Variants in SCAPER observed in about 807,000 individuals in gnomAD.
The protein encoded by SCAPER is S-phase cyclin A associated protein in the ER, also known as S phase cyclin A-associated protein in the endoplasmic reticulum.
A neutral mutation model predicts 182.2 loss-of-function variants in SCAPER; 98 were observed. The observed-to-expected ratio is 0.54, with a 90% CI of 0.46 to 0.64. The LOEUF (loss-of-function observed/expected upper bound fraction) is 0.64, where lower values mean the gene tolerates loss of function less well. Ranked by LOEUF, SCAPER falls within the 30% of genes least tolerant of loss-of-function variation. SCAPER has a pLI of 0.00. For missense variants in SCAPER, 1,432 were observed against 1,690.0 expected (o/e 0.85, Z 2.68); for synonymous variants, 605 against 564.6 (o/e 1.07, Z -1.01).
intron 6 of SCAPER, 123 bp from the exon 7 acceptor site, chr15:76,800,487 T>C: frequency 1.5e-6 from 1 of 681,288 alleles, no homozygotes. Flanking sequence ...CAACAAAAAG[T>C]CACAACATGT....
chr15:76,368,969 T>C (rs938458905), intron 29 of SCAPER, among the ~76,000 whole-genome samples: 1 of 152,170 alleles, frequency 6.6e-6, no homozygotes, highest in Admixed American at 6.5e-5. Flanking sequence ...GAAAATGCCA[T>C]AAAATACAGG....
At chr15:76,379,967 GC>G (rs1367258483) in intron 28 of SCAPER, 1 of 152,078 alleles carries the variant, frequency 6.6e-6, no homozygotes, top group Non-Finnish European at 1.5e-5. Flanking sequence ...ATAAATGTTG[GC>G]CAAGAAGACC....
chr15:76,488,782 G>T (rs2051959332), intron 24 of SCAPER, among the ~76,000 whole-genome samples: 1 of 132,746 alleles, frequency 7.5e-6, no homozygotes, highest in Non-Finnish European at 1.6e-5. Context: ...CTGGAGTGAA[G>T]TGGTGGGATC....
At chr15:76,399,275 T>C (rs2044291711) in intron 27 of SCAPER, among the ~76,000 whole-genome samples, 1 of 152,094 alleles carries the variant, frequency 6.6e-6, no homozygotes, top group African/African-American at 2.4e-5. Flanking sequence ...ACAGCTGGGA[T>C]TACAGGTGCC....
At chr15:76,807,598 A>C (rs993427335) in intron 5 of SCAPER, among the ~76,000 whole-genome samples, 3 of 151,638 alleles carry the variant, frequency 2.0e-5, no homozygotes, top group African/African-American at 7.3e-5. Flanking sequence ...TTAGTTACAT[A>C]TGTATACATG....
At chr15:76,721,013 T>C (rs1448326475) in intron 17 of SCAPER, among the ~76,000 whole-genome samples, 3 of 152,194 alleles carry the variant, frequency 2.0e-5, no homozygotes, top group Admixed American at 2.0e-4. Flanking sequence ...GCCTATGTCC[T>C]GAATGGTAAT....
chr15:76,511,843 A>ATATATATGTGTGTGTGTGTGTG, intron 23 of SCAPER, among the ~76,000 whole-genome samples: 1 of 123,308 alleles, frequency 8.1e-6, no homozygotes, highest in Non-Finnish European at 1.6e-5. Context: ...ATATATATAT[A>ATATATATGTGTGTGTGTGTGTG]TGTGTGTGTG....
At chr15:76,360,549 T>G (rs147884378) in intron 29 of SCAPER, among the ~76,000 whole-genome samples, 1 of 152,356 alleles carries the variant, frequency 6.6e-6, no homozygotes, top group East Asian at 1.9e-4. Context: ...TGTCTGTCAC[T>G]AGGCCTGAAC....
rs147210211 is a variant in SCAPER at position 76,441,721 on chromosome 15, T to C, written c.3079-7411A>G. Among the ~76,000 whole-genome samples, 97 of 152,318 alleles carry C rather than the reference T, an allele frequency of 6.4e-4. 1 individual carries two copies. In the East Asian group the frequency reaches 0.016, roughly 25 times the overall value. On this transcript the variant is annotated intron_variant, in intron 25 of 31. Coordinates refer to ENST00000563290, the MANE Select transcript of SCAPER (RefSeq NM_020843.4). Reference sequence around the variant, plus strand: ...TTATGCCAGAGTGTCTTATTTAAAGTAATATTTCTCTCCCCAAACCTATCT... The same window carrying C: ...TTATGCCAGAGTGTCTTATTTAAAGCAATATTTCTCTCCCCAAACCTATCT...
At chr15:76,563,968 C>T (rs2046837527) in intron 23 of SCAPER, among the ~76,000 whole-genome samples, 1 of 152,120 alleles carries the variant, frequency 6.6e-6, no homozygotes, top group Non-Finnish European at 1.5e-5. Flanking sequence ...TTCAACATCC[C>T]TTCATGTTAA....
At chr15:76,404,136 G>C (rs1021876125) in intron 27 of SCAPER, among the ~76,000 whole-genome samples, 1 of 152,184 alleles carries the variant, frequency 6.6e-6, no homozygotes, top group Admixed American at 6.5e-5. Flanking sequence ...ATGAATGACG[G>C]TAATGAGCAC....
At chr15:76,901,205 G>A (rs2074760732) in intron 1 of SCAPER, among the ~76,000 whole-genome samples, 2 of 152,166 alleles carry the variant, frequency 1.3e-5, no homozygotes, top group South Asian at 4.1e-4. Flanking sequence ...ACTCCAGCCT[G>A]GGGGACAGAG....
chr15:76,644,586 TA>T (rs926703198), intron 21 of SCAPER, among the ~76,000 whole-genome samples: 4 of 147,878 alleles, frequency 2.7e-5, no homozygotes, highest in African/African-American at 7.5e-5. Context: ...TTTATGACCA[TA>T]AAAACAAAAA....
At chr15:76,384,654 A>G (rs1010502806) in intron 27 of SCAPER, among the ~76,000 whole-genome samples, 4 of 152,234 alleles carry the variant, frequency 2.6e-5, no homozygotes, top group African/African-American at 7.2e-5. Flanking sequence ...TTCAAAATGC[A>G]TAAGATAGTG....
intron 22 of SCAPER, among the ~76,000 whole-genome samples, chr15:76,578,833 T>C (rs1439815493): frequency 2.6e-5 from 4 of 152,134 alleles, no homozygotes; most frequent in African/African-American, 9.7e-5. Context: ...ACACCCAATA[T>C]GACCTCACCT....
intron 24 of SCAPER, among the ~76,000 whole-genome samples, chr15:76,480,726 C>T (rs1226488414): frequency 6.6e-6 from 1 of 152,096 alleles, no homozygotes; most frequent in Non-Finnish European, 1.5e-5. Context: ...GCCACATTCT[C>T]CACTATTCTA....
chr15:76,390,673 T>C (rs997385176), intron 27 of SCAPER, among the ~76,000 whole-genome samples: 1 of 152,184 alleles, frequency 6.6e-6, no homozygotes, highest in Admixed American at 6.5e-5. Flanking sequence ...TTGACCTCTC[T>C]AGCTTCAGTT....
At chr15:76,428,319 C>CA (rs2046584109) in intron 26 of SCAPER, among the ~76,000 whole-genome samples, 1 of 152,180 alleles carries the variant, frequency 6.6e-6, no homozygotes, top group African/African-American at 2.4e-5. Context: ...TTTATTGCAG[C>CA]ACTATTCAAA....
rs1359903008 is a variant in SCAPER, at chr15:76,597,287, T to G, written c.2712-23003A>C. Among the ~76,000 whole-genome samples the G allele has an allele frequency of 7.4e-5, 9 of 121,612 alleles. 3 individuals carry two copies. Among genetic ancestry groups the G allele is most frequent in the Non-Finnish European group, 1.8e-4 (9 of 50,056 alleles). 79.8% of individuals were successfully genotyped at this position (121,612 alleles called of 152,430 possible). On this transcript the variant is annotated intron_variant, in intron 22 of 31. Transcript: ENST00000563290. ...CTCTTCAAGGAGAACTACAAACCAC[T>G]ACTCCACAAAATAAAAGAGGACACA...
Sources: allele counts gnomAD v4.1 joint callset (sites outside exome capture counted in the v4.1 genomes callset), GRCh38; gene constraint gnomAD v4.1.1; transcripts MANE v1.5; gene names NCBI Gene and HGNC (gene_info 2026-07-23, HGNC 2026-07-21).